The following CNTNAP2 variants were observed in gnomAD, a reference collection of about 807,000 sequenced individuals.
CNTNAP2 encodes contactin-associated protein-like 2.
In CNTNAP2, 98 loss-of-function variants were observed where a neutral mutation model predicts 155.2. That is an observed-to-expected ratio of 0.63 (90% CI 0.54 to 0.75). The LOEUF is 0.75. Ranked by LOEUF, CNTNAP2 falls within the 30% of genes least tolerant of loss-of-function variation. The probability of loss-of-function intolerance (pLI) is 0.00; values close to 1 mark genes in which losing one functional copy is unlikely to be tolerated. For synonymous variants in CNTNAP2, 651 were observed against 631.2 expected, an observed-to-expected ratio of 1.03 and a Z score of -0.47; for missense variants, 1,727 against 1,688.1, an observed-to-expected ratio of 1.02 and a Z score of -0.40.
At chr7:147,634,619 G>T (rs1358155664) in intron 12 of CNTNAP2, among the ~76,000 whole-genome samples, 1 of 151,924 alleles carries the variant, frequency 6.6e-6, no homozygotes, top group African/African-American at 2.4e-5. Flanking sequence ...TAAACATTGT[G>T]CTTTCTCAGA....
intron 12 of CNTNAP2, among the ~76,000 whole-genome samples, chr7:147,586,396 C>G (rs561616491): frequency 1.3e-5 from 2 of 151,860 alleles, no homozygotes; most frequent in East Asian, 3.9e-4. Context: ...CTATCAGGGT[C>G]TGAACTAGCT....
intron 1 of CNTNAP2, among the ~76,000 whole-genome samples, chr7:146,758,143 A>G (rs994520312): frequency 6.6e-6 from 1 of 152,206 alleles, no homozygotes; most frequent in Non-Finnish European, 1.5e-5. Context: ...TTCAAGGATC[A>G]GCACACTTTC....
intron 1 of CNTNAP2, among the ~76,000 whole-genome samples, chr7:146,217,618 A>G (rs966326609): frequency 6.6e-6 from 1 of 152,188 alleles, no homozygotes; most frequent in Admixed American, 6.5e-5. Flanking sequence ...TATGCTTTAA[A>G]AAACTCTACT....
chr7:147,777,439 T>G (rs556586365), intron 13 of CNTNAP2, among the ~76,000 whole-genome samples: 1 of 152,306 alleles, frequency 6.6e-6, no homozygotes, highest in African/African-American at 2.4e-5. Context: ...CTCAGACACA[T>G]ACAAATGTCA....
At chr7:148,224,076 T>TAAA (rs112518431) in intron 19 of CNTNAP2, among the ~76,000 whole-genome samples, 23 of 147,086 alleles carry the variant, frequency 1.6e-4, no homozygotes, top group East Asian at 9.9e-4. Context: ...TTCAGACCTT[T>TAAA]AAAAAAAAAA....
At chr7:147,756,597 A>C (rs908486947) in intron 13 of CNTNAP2, among the ~76,000 whole-genome samples, 1 of 152,234 alleles carries the variant, frequency 6.6e-6, no homozygotes, top group Non-Finnish European at 1.5e-5. Context: ...ATCATCATTA[A>C]AAACAGATTT....
intron 12 of CNTNAP2, among the ~76,000 whole-genome samples, chr7:147,599,423 C>G (rs1472418760): frequency 7.0e-6 from 1 of 141,978 alleles, no homozygotes; most frequent in Non-Finnish European, 1.5e-5. Flanking sequence ...GTGGAGGTTG[C>G]GGTAAGCCAA....
intron 1 of CNTNAP2, among the ~76,000 whole-genome samples, chr7:146,426,295 G>T (rs1244692921): frequency 2.0e-5 from 3 of 150,396 alleles, no homozygotes; most frequent in Non-Finnish European, 4.4e-5. Context: ...CTAGCACCAT[G>T]GTACCAGAGC....
intron 3 of CNTNAP2, among the ~76,000 whole-genome samples, chr7:146,966,416 C>A (rs915470069): frequency 1.4e-4 from 21 of 152,182 alleles, no homozygotes; most frequent in African/African-American, 5.1e-4. Flanking sequence ...TCACTGTGCC[C>A]AAGAGCTCAG....
At chr7:147,696,653 A>G (rs985014311) in intron 13 of CNTNAP2, among the ~76,000 whole-genome samples, 4 of 152,088 alleles carry the variant, frequency 2.6e-5, no homozygotes, top group South Asian at 2.1e-4. Context: ...TTTCCTCTGA[A>G]TAACTTCATT....
chr7:147,754,990 TC>T (rs1281458461), intron 13 of CNTNAP2, among the ~76,000 whole-genome samples: 5 of 152,142 alleles, frequency 3.3e-5, no homozygotes, highest in Non-Finnish European at 7.4e-5. Flanking sequence ...TAAATTAACG[TC>T]AATTGCCATT....
intron 3 of CNTNAP2, among the ~76,000 whole-genome samples, chr7:146,918,677 A>G (rs1438639930): frequency 6.6e-6 from 1 of 152,188 alleles, no homozygotes; most frequent in Non-Finnish European, 1.5e-5. Context: ...TCCTTTTGCA[A>G]TGAATTTCGC....
At chr7:147,801,931 G>A (rs547918815) in intron 13 of CNTNAP2, among the ~76,000 whole-genome samples, 21 of 150,704 alleles carry the variant, frequency 1.4e-4, no homozygotes, top group East Asian at 1.0e-3. Flanking sequence ...CCTCCTGGAC[G>A]GGGCGGCTGG....
intron 13 of CNTNAP2, among the ~76,000 whole-genome samples, chr7:147,814,621 A>G (rs936285545): frequency 3.9e-5 from 6 of 152,176 alleles, no homozygotes; most frequent in Admixed American, 6.5e-5. Flanking sequence ...TTAGTCTTAC[A>G]TATTAAACTT....
intron 13 of CNTNAP2, among the ~76,000 whole-genome samples, chr7:147,836,785 C>T (rs1798640916): frequency 6.6e-6 from 1 of 152,168 alleles, no homozygotes; most frequent in Admixed American, 6.5e-5. Flanking sequence ...AGTATTTAGC[C>T]TTGGATGGAG....
At chr7:147,129,474 A>C (rs1453873561) in intron 7 of CNTNAP2, among the ~76,000 whole-genome samples, 2 of 152,152 alleles carry the variant, frequency 1.3e-5, no homozygotes, top group African/African-American at 4.8e-5. Context: ...AGAAAGCCCC[A>C]GCACACATGC....
chr7:146,612,743 T>C (rs1156350035), intron 1 of CNTNAP2, among the ~76,000 whole-genome samples: 1 of 152,200 alleles, frequency 6.6e-6, no homozygotes, highest in Non-Finnish European at 1.5e-5. Context: ...CCTGTTCATA[T>C]ACACAGAGAA....
At chr7:146,941,627 G>C (rs766930032) in intron 3 of CNTNAP2, among the ~76,000 whole-genome samples, 2 of 152,054 alleles carry the variant, frequency 1.3e-5, no homozygotes, top group East Asian at 1.9e-4. Context: ...TTAGTGTCCT[G>C]TTCTTTCAAC....
rs1275966204 is a variant in CNTNAP2, at chr7:148,415,441, C to G, written c.3821C>G (p.Thr1274Ser). 2 of 1,614,040 alleles carry G rather than the reference C, an allele frequency of 1.2e-6. No individual in the cohort carries two copies. Among genetic ancestry groups the G allele is most frequent in the Non-Finnish European group, 8.5e-7 (1 of 1,180,046 alleles). ...IGGVIAVVIF[T>S]ILCTLVFLIR... ...GGCGTCATTGCTGTGGTGATTTTCACCATCCTGTGCACCCTGGTCTTCCTG... is the reference window on the plus strand; with the variant it reads ...GGCGTCATTGCTGTGGTGATTTTCAGCATCCTGTGCACCCTGGTCTTCCTG... Residue 1274 changes from threonine (T) to serine (S), a missense_variant, in exon 24 of 24, where the codon ACC becomes AGC. Transcript: ENST00000361727.
Sources: allele counts gnomAD v4.1 joint callset (sites outside exome capture counted in the v4.1 genomes callset), GRCh38; gene constraint gnomAD v4.1.1; transcripts MANE v1.5; gene names NCBI Gene and HGNC (gene_info 2026-07-23, HGNC 2026-07-21).